Variants in PKMYT1 observed in about 807,000 individuals in gnomAD.
PKMYT1 encodes the protein protein kinase, membrane associated tyrosine/threonine 1.
Under a neutral mutation model 49.7 loss-of-function variants are expected in PKMYT1, and 35 were observed. The observed-to-expected ratio is 0.70, with a 90% CI of 0.54 to 0.93. The LOEUF is 0.93. Among genes scored for constraint, PKMYT1 ranks in the 40% least tolerant of loss-of-function variants. PKMYT1 has a pLI of 0.00. For missense variants in PKMYT1, 677 were observed against 673.1 expected, an observed-to-expected ratio of 1.01 and a Z score of -0.06; for synonymous variants, 331 against 287.6, an observed-to-expected ratio of 1.15 and a Z score of -1.53.
At chr16:2,975,056 T>A (rs934037237) in intron 4 of PKMYT1, among the ~76,000 whole-genome samples, 7 of 152,222 alleles carry the variant, frequency 4.6e-5, no homozygotes, top group Non-Finnish European at 1.0e-4. Context: ...GCCCTTAATC[T>A]GGCTGTAAAT....
At chr16:2,974,796 A>G (rs771123452) in intron 4 of PKMYT1, 140 bp from the exon 5 acceptor site, 5 of 624,430 alleles carry the variant, frequency 8.0e-6, no homozygotes, top group Non-Finnish European at 1.4e-5. Flanking sequence ...GGGGGAAGGG[A>G]CACCCCAACA....
At chr16:2,977,440 G>A (rs1026932589) in intron 2 of PKMYT1, 8 of 1,002,898 alleles carry the variant, frequency 8.0e-6, no homozygotes, top group African/African-American at 5.2e-5. Flanking sequence ...ATTCCAAAGT[G>A]AAAACCCGGA....
chr16:2,976,866 C>T lies in PKMYT1; in HGVS notation c.176G>A (p.Gly59Asp). Residue 59 changes from glycine to aspartate, a missense_variant, in exon 3 of 9, where the codon GGC becomes GAC. By Grantham distance (94) the Gly-to-Asp change is moderately conservative. Transcript: ENST00000262300. ...RSLPPPPPAK[G>D]SIPISRLFPP... ...GAAGAGGCGGCTGATGGGAATGCTGCCCTTGGCAGGGGGCGGAGGTGGGAG... is the reference window on the plus strand; with the variant it reads ...GAAGAGGCGGCTGATGGGAATGCTGTCCTTGGCAGGGGGCGGAGGTGGGAG... 6.5e-7 allele frequency: 1 copy of T among 1,532,872 alleles called. No homozygotes were observed. Among genetic ancestry groups the T allele is most frequent in the Non-Finnish European group, 8.8e-7 (1 of 1,134,934 alleles). The allele number at this position is 1,532,872 out of a possible 1,614,324, so 95.0% of individuals were successfully genotyped here.
Position 2,976,944 on chromosome 16 carries a change from C to G in PKMYT1, c.98G>C (p.Arg33Pro). ...GAGGGAGAATCCAGGTTCTGCGTGG[C>G]GGAAGTAGGCTGGGACTGGGATGGG... The part of the protein sequence containing the change: ...GTPIPVPAYF[R>P]HAEPGFSLKR... The change falls in exon 3 of 9, where the codon CGC (arginine) becomes CCC (proline). Residue 33 changes from arginine to proline, a missense_variant. By Grantham distance (103) the Arg-to-Pro change is moderately radical. Coordinates refer to ENST00000262300, the MANE Select transcript of PKMYT1 (RefSeq NM_004203.5). The G allele has an allele frequency of 6.4e-7, 1 of 1,550,456 alleles. No individual in the cohort carries two copies. The highest frequency in any genetic ancestry group is 8.7e-7 in the Non-Finnish European group (1 of 1,145,418).
Position 2,975,433 on chromosome 16 carries a change from C to T in PKMYT1, c.758G>A (p.Gly253Glu). Residue 253 changes from glycine (G) to glutamate (E), a missense_variant, in exon 4 of 9, where the codon GGA (glycine) becomes GAA (glutamate). Gly to Glu is a moderately conservative substitution (Grantham distance 98, BLOSUM62 -2). Coordinates refer to ENST00000262300, the MANE Select transcript of PKMYT1 (RefSeq NM_004203.5). ...TGCTGTACCCAGCTCCACCAGCAGT[C>T]CGAAGTCACCCAGCTTGCAGCGGCC... ...PRGRCKLGDF[G>E]LLVELGTAGA... 1.2e-6 allele frequency: 2 copies of T among 1,613,254 alleles called. No individual in the cohort carries two copies. The highest frequency in any genetic ancestry group is 1.7e-6 in the Non-Finnish European group (2 of 1,179,992).
At position 2,975,353 on chromosome 16, in the gene PKMYT1, G is replaced by C. The variant is rs755125145; in HGVS notation, c.838C>G (p.Gln280Glu). Residue 280 changes from glutamine to glutamate, a missense_variant, in exon 4 of 9, where the codon CAG becomes GAG. By Grantham distance (29) the Gln-to-Glu change is conservative (BLOSUM62 2). Transcript: ENST00000262300. Reference protein sequence around the residue: ...DPRYMAPELLQGSYGTAADVF... With the variant: ...DPRYMAPELLEGSYGTAADVF... ...TCCGCTGCTGTCCCATAGGAGCCCT[G>C]CAGCAGCTCGGGGGCCATGTAGCGG... 4 of 1,612,860 alleles carry C rather than the reference G, an allele frequency of 2.5e-6. No homozygotes were observed. In the Admixed American group the frequency reaches 6.7e-5, roughly 27 times the overall value.
In PKMYT1 at chr16:2,973,213, G is replaced by A. The variant is rs761516736; in HGVS notation, c.1313C>T (p.Pro438Leu). Residue 438 changes from proline to leucine, a missense_variant and splice_region_variant, in exon 8 of 9, where the codon CCT (proline) becomes CTT (leucine). Coordinates refer to ENST00000262300, the MANE Select transcript of PKMYT1 (RefSeq NM_004203.5). Reference protein sequence around the residue: ...SSNWDDDSLGPSLSPEAVLAR... With the variant: ...SSNWDDDSLGLSLSPEAVLAR... ...CAGGACAGCCTCAGGGGAGAGTGAA[G>A]GCCTGCAGGAGGGCAGGCGAGACAA... is the stretch of plus-strand genomic sequence containing the variant. 9 of 1,500,764 alleles carry A rather than the reference G, an allele frequency of 6.0e-6. No individual in the cohort carries two copies. Among genetic ancestry groups the A allele is most frequent in the Non-Finnish European group, 7.1e-6 (8 of 1,121,804 alleles). The allele number at this position is 1,500,764 out of a possible 1,614,324, so 93.0% of individuals were successfully genotyped here.
At position 2,979,887 on chromosome 16, in the gene PKMYT1, C is replaced by T. The variant is rs1323182415; in HGVS notation, c.-230G>A. On this transcript the variant is annotated 5_prime_UTR_variant, in exon 2 of 9. Coordinates refer to ENST00000262300, the MANE Select transcript of PKMYT1 (RefSeq NM_004203.5). ...TCCTCCCAGGCAGGGCCGCGGCTGA[C>T]TTCACTCCGTGGGTGTGGGGAAGCC... 1.7e-5 allele frequency: 10 copies of T among 588,770 alleles called. No individual in the cohort carries two copies. The highest frequency in any genetic ancestry group is 2.1e-5 in the Non-Finnish European group (7 of 325,740). The allele number at this position is 588,770 out of a possible 1,614,324, so 36.5% of individuals were successfully genotyped here.
Position 2,972,978 on chromosome 16 carries a change from A to G in PKMYT1, c.1475T>C (p.Phe492Ser), listed in dbSNP as rs775617896. The change falls in exon 9 of 9, where the codon TTT (phenylalanine) becomes TCT (serine). Residue 492 changes from phenylalanine (F) to serine (S), a missense_variant. Physicochemically the swap from Phe to Ser is radical, Grantham distance 155. Transcript: ENST00000262300. ...SFEPRNLLSL[F>S]EDTLDPT Reference sequence around the variant, plus strand: ...TCAGGTTGGGTCTAGGGTGTCCTCAAACAGGCTGAGGAGGTTCCGAGGCTC... The same window carrying G: ...TCAGGTTGGGTCTAGGGTGTCCTCAGACAGGCTGAGGAGGTTCCGAGGCTC... 3 of 1,609,718 alleles carry G rather than the reference A, an allele frequency of 1.9e-6. No homozygotes were observed. The highest frequency in any genetic ancestry group is 1.7e-5 in the Admixed American group (1 of 59,468).
intron 4 of PKMYT1, 45 bp downstream of exon 4, chr16:2,975,274 G>A: frequency 6.5e-7 from 1 of 1,539,980 alleles, no homozygotes. Context: ...TCCCAGGAAG[G>A]GCCTCCCACA....
intron 4 of PKMYT1, 146 bp from the exon 5 acceptor site, chr16:2,974,802 C>T: frequency 1.6e-6 from 1 of 615,112 alleles, no homozygotes; most frequent in East Asian, 2.8e-5. Flanking sequence ...AGGGACACCC[C>T]AACAGGCCTG....
chr16:2,979,514 C>A, intron 2 of PKMYT1, 134 bp downstream of exon 2: 1 of 737,998 alleles, frequency 1.4e-6, no homozygotes, highest in South Asian at 1.5e-5. Flanking sequence ...TTCTCCAAGT[C>A]AGGAGCCAGG....
intron 7 of PKMYT1, 152 bp downstream of exon 7, chr16:2,973,848 A>G: frequency 3.5e-6 from 3 of 854,724 alleles, no homozygotes; most frequent in Non-Finnish European, 5.5e-6. Context: ...AAGCCTGGCC[A>G]GGCCACACAC....
Position 2,974,584 on chromosome 16 carries a change from C to A in PKMYT1, c.945G>T (p.Leu315=). 1 of 1,581,722 alleles carries A rather than the reference C, an allele frequency of 6.3e-7. No individual in the cohort carries two copies. Reference sequence around the variant, plus strand: ...ACTCAGGGGGCAGGTAGCCCTGGCGCAGCTGCTGCCAGCCCTCCCCACCGT... The same window carrying A: ...ACTCAGGGGGCAGGTAGCCCTGGCGAAGCTGCTGCCAGCCCTCCCCACCGT... ...LPHGGEGWQQ[L]RQGYLPPEFT... Residue 315 remains leucine (L), a synonymous_variant, in exon 5 of 9, where the codon CTG becomes CTT. Transcript: ENST00000262300.
Position 2,973,743 on chromosome 16 carries a change from G to C in PKMYT1, c.1310+257C>G, listed in dbSNP as rs988202668. 3.0e-5 allele frequency: 17 copies of C among 573,466 alleles called. No homozygotes were observed. The African/African-American group carries it at 3.2e-4, about 11-fold the overall frequency. The allele number at this position is 573,466 out of a possible 1,614,324, so 35.5% of individuals were successfully genotyped here. Reference sequence around the variant, plus strand: ...CCCTGGGCACTGGCAGCCTCCACTGGGGTCGGGGCTGCGCGGCCAGCCACT... The same window carrying C: ...CCCTGGGCACTGGCAGCCTCCACTGCGGTCGGGGCTGCGCGGCCAGCCACT... On this transcript the variant is annotated intron_variant, in intron 7 of 8. Transcript: ENST00000262300.
At position 2,980,421 on chromosome 16, in the gene PKMYT1, T is replaced by C. The variant is rs2072310639; in HGVS notation, c.-391A>G. 6.6e-6 allele frequency: 1 copy of C among 152,176 alleles called. No individual in the cohort carries two copies. The highest frequency in any genetic ancestry group is 1.5e-5 in the Non-Finnish European group (1 of 68,034). 9.4% of individuals were successfully genotyped at this position (152,176 alleles called of 1,614,324 possible). A position where few individuals can be genotyped will look rare whatever the true frequency, so the allele number is the denominator to read the frequency against. On this transcript the variant is annotated 5_prime_UTR_variant, in exon 1 of 9. Coordinates refer to ENST00000262300, the MANE Select transcript of PKMYT1 (RefSeq NM_004203.5). ...CGGACGCCCGGGCGGAGGACTCCCG[T>C]GAGGGGGAACGGCCCGTGAACGCGC...
In PKMYT1 at chr16:2,977,045, CAG is replaced by C. The variant is rs1847734000; in HGVS notation, c.11-16_11-15del. The C allele has an allele frequency of 4.4e-6, 7 of 1,589,834 alleles. No individual in the cohort carries two copies. Among genetic ancestry groups the C allele is most frequent in the East Asian group, 2.2e-5 (1 of 44,456 alleles). The stretch of plus-strand genomic sequence containing the variant: ...GTGCAGGAGGCCCTGGGGGCAGAGA[CAG>C]AGGCTGAGTACAGGGCAGCATGTCC... On this transcript the variant is annotated splice_polypyrimidine_tract_variant and intron_variant, in intron 2 of 8. Coordinates refer to ENST00000262300, the MANE Select transcript of PKMYT1 (RefSeq NM_004203.5).
intron 3 of PKMYT1, 115 bp from the exon 4 acceptor site, chr16:2,975,927 G>A: frequency 1.8e-6 from 2 of 1,111,608 alleles, no homozygotes; most frequent in East Asian, 2.4e-5. Flanking sequence ...GCACGGTGGT[G>A]TAGCTGGCAT....
rs4149780 is a variant in PKMYT1, at chr16:2,977,406, C to T, written c.11-375G>A. On this transcript the variant is annotated intron_variant, in intron 2 of 8. Coordinates refer to ENST00000262300, the MANE Select transcript of PKMYT1 (RefSeq NM_004203.5). ...CTACACAACCTCTTCCGAGACTACA[C>T]GGGCCCACGATCCCTTATCTCCAAT... is the stretch of plus-strand genomic sequence containing the variant. 3.8e-3 allele frequency: 3,813 copies of T among 1,015,778 alleles called. 111 individuals are homozygous for T. The African/African-American group carries it at 0.06, about 16-fold the overall frequency. 62.9% of individuals were successfully genotyped at this position (1,015,778 alleles called of 1,614,324 possible). A position where few individuals can be genotyped will look rare whatever the true frequency, so the allele number is the denominator to read the frequency against.
Sources: gnomAD v4.1 joint callset for allele counts (sites outside exome capture counted in the v4.1 genomes callset) on GRCh38, gnomAD v4.1.1 for gene constraint, MANE v1.5 for transcripts, NCBI Gene and HGNC (gene_info 2026-07-23, HGNC 2026-07-21) for gene names.